NIN: variants seen among roughly 807,000 people sequenced by gnomAD.
NIN encodes the protein ninein.
A neutral mutation model predicts 257.6 loss-of-function variants in NIN; 137 were observed. The ratio of observed to expected loss-of-function variants is 0.53; its 90% CI spans 0.46 to 0.61. NIN has a LOEUF of 0.61. NIN is among the 20% of genes least tolerant of loss of function. NIN has a pLI of 0.00. For synonymous variants in NIN, 918 were observed against 919.8 expected (o/e 1.00, Z 0.04); for missense variants, 2,439 against 2,501.2 (o/e 0.98, Z 0.53).
intron 4 of NIN, among the ~76,000 whole-genome samples, chr14:50,799,182 C>G (rs1326328109): frequency 1.3e-5 from 2 of 152,210 alleles, no homozygotes; most frequent in Non-Finnish European, 2.9e-5. Flanking sequence ...GGACCTGGAC[C>G]TGGACACAGA....
At chr14:50,762,989 TATATC>T (rs2042331655) in intron 15 of NIN, among the ~76,000 whole-genome samples, 1 of 152,046 alleles carries the variant, frequency 6.6e-6, no homozygotes, top group Non-Finnish European at 1.5e-5. Flanking sequence ...GCTGCCGAGA[TATATC>T]ATATTATGAG....
intron 25 of NIN, among the ~76,000 whole-genome samples, chr14:50,740,498 G>A (rs577776910): frequency 3.2e-4 from 48 of 152,248 alleles, no homozygotes; most frequent in African/African-American, 1.2e-3. Flanking sequence ...ACAGGCACTC[G>A]CCACCATGCC....
In NIN at chr14:50,720,119, A is replaced by AT. The variant is rs1230359182; in HGVS notation, c.*3343dup. On this transcript the variant is annotated 3_prime_UTR_variant, in exon 31 of 31. Coordinates refer to ENST00000530997, the MANE Select transcript of NIN (RefSeq NM_020921.4). ...ATTCATATGCCACAAAACCAAAACT[A>AT]TTTTACAGTGCTGAGAGGTCCAGAT... 3.6e-5 allele frequency: 8 copies of AT among 221,820 alleles called. 1 individual carries two copies. Among genetic ancestry groups the AT allele is most frequent in the Admixed American group, 1.1e-4 (2 of 17,410 alleles). 13.7% of individuals were successfully genotyped at this position (221,820 alleles called of 1,614,324 possible). A position where few individuals can be genotyped will look rare whatever the true frequency, so the allele number is the denominator to read the frequency against.
chr14:50,802,932 G>A (rs2044160681), intron 4 of NIN, among the ~76,000 whole-genome samples: 2 of 152,078 alleles, frequency 1.3e-5, no homozygotes, highest in African/African-American at 4.8e-5. Flanking sequence ...TCAATTCACG[G>A]CCCTCTTGGT....
At position 50,770,448 on chromosome 14, in the gene NIN, T is replaced by G; in HGVS notation, c.1374A>C (p.Glu458Asp). 1 of 1,614,224 alleles carries G rather than the reference T, an allele frequency of 6.2e-7. No individual in the cohort carries two copies. Reference sequence around the variant, plus strand: ...TCTCTTCTGTTTTTGCCTTTTCAATTTCCTGTTCAAGTTCTAAACGCTGCT... The same window carrying G: ...TCTCTTCTGTTTTTGCCTTTTCAATGTCCTGTTCAAGTTCTAAACGCTGCT... ...AGKQRLELEQ[E>D]IEKAKTEENY... Residue 458 changes from glutamate (E) to aspartate (D), a missense_variant, in exon 12 of 31, where the codon GAA becomes GAC. Physicochemically the swap from Glu to Asp is conservative, Grantham distance 45. Around this residue, in one of 3 missense-constraint regions of NIN, gnomAD observed 2,043 missense variants for 2,050.2 expected, o/e 1.00. Transcript: ENST00000530997.
chr14:50,796,335 A>C (rs887857715), intron 4 of NIN, among the ~76,000 whole-genome samples: 2 of 152,210 alleles, frequency 1.3e-5, no homozygotes, highest in African/African-American at 4.8e-5. Flanking sequence ...CATAAGCCAA[A>C]TGCTTGGTTA....
intron 12 of NIN, among the ~76,000 whole-genome samples, chr14:50,767,643 C>T (rs2042550271): frequency 6.6e-6 from 1 of 151,940 alleles, no homozygotes; most frequent in Non-Finnish European, 1.5e-5. Context: ...CGGTGAAACC[C>T]CGTCTCTACT....
intron 3 of NIN, among the ~76,000 whole-genome samples, chr14:50,816,798 A>C (rs2044919245): frequency 6.6e-6 from 1 of 152,210 alleles, no homozygotes; most frequent in African/African-American, 2.4e-5. Flanking sequence ...AGGTCGGTAG[A>C]AGAGAATGGC....
At chr14:50,777,178 T>C (rs374551312) in intron 6 of NIN, 39 bp from the exon 7 acceptor site, 35 of 1,490,540 alleles carry the variant, frequency 2.3e-5, no homozygotes, top group Admixed American at 1.8e-4. Context: ...TCCAAAGGAA[T>C]TGCAAAGAGA....
Position 50,771,416 on chromosome 14 carries a change from G to A in NIN, c.1034C>T (p.Ala345Val). 6.2e-7 allele frequency: 1 copy of A among 1,614,118 alleles called. No individual in the cohort carries two copies. Among genetic ancestry groups the A allele is most frequent in the Non-Finnish European group, 8.5e-7 (1 of 1,179,994 alleles). Residue 345 changes from alanine to valine, a missense_variant, in exon 10 of 31, where the codon GCC becomes GTC. By Grantham distance (64) the Ala-to-Val change is moderately conservative. Coordinates refer to ENST00000530997, the MANE Select transcript of NIN (RefSeq NM_020921.4). ...GNINLTELTLALENELLVTKN... is the reference protein window; with the variant it reads ...GNINLTELTLVLENELLVTKN... ...GGTAACCAAAAGTTCATTTTCAAGG[G>A]CCAGTGTTAATTCTGTCAAATTGAT...
chr14:50,767,824 A>G (rs1464621574), intron 12 of NIN, among the ~76,000 whole-genome samples: 2 of 151,956 alleles, frequency 1.3e-5, no homozygotes, highest in African/African-American at 4.8e-5. Flanking sequence ...CTCAAAAAAA[A>G]AAAAAAAAGT....
At chr14:50,799,529 A>G (rs2142100532) in intron 4 of NIN, among the ~76,000 whole-genome samples, 1 of 152,264 alleles carries the variant, frequency 6.6e-6, no homozygotes, top group East Asian at 1.9e-4. Flanking sequence ...CACCTCAGAA[A>G]CTGGAGCTGC....
rs1230719930 is a variant in NIN at position 50,761,907 on chromosome 14, G to A, written c.1779C>T (p.Leu593=). 5.6e-6 allele frequency: 9 copies of A among 1,613,786 alleles called. No individual in the cohort carries two copies. The highest frequency in any genetic ancestry group is 2.2e-5 in the East Asian group (1 of 44,882). ...TCAATGGATTGCATTCTTCAGAACCGAGCCCTGAAAACACATGGGACTCAT... is the reference window on the plus strand; with the variant it reads ...TCAATGGATTGCATTCTTCAGAACCAAGCCCTGAAAACACATGGGACTCAT... ...NSGGIEPEHG[L]GSEECNPLNM... is the part of the protein sequence containing the mutation. The change falls in exon 16 of 31, where the codon CTC becomes CTT. Residue 593 remains leucine (L), a synonymous_variant. Coordinates refer to ENST00000530997, the MANE Select transcript of NIN (RefSeq NM_020921.4).
chr14:50,771,352 C>T lies in NIN; in HGVS notation c.1098G>A (p.Lys366=), dbSNP rs955953081. 3 of 1,614,154 alleles carry T rather than the reference C, an allele frequency of 1.9e-6. No individual in the cohort carries two copies. Among genetic ancestry groups the T allele is most frequent in the Non-Finnish European group, 2.5e-6 (3 of 1,180,028 alleles). The part of the protein sequence containing the change: ...SIHQAALASF[K]AEIRHLLERV... ...CTCACAACAAATGCCGGATTTCAGC[C>T]TTAAAGCTGGCCAGAGCCGCCTGGT... Residue 366 remains lysine, a synonymous_variant, in exon 10 of 31, where the codon AAG becomes AAA. Transcript: ENST00000530997.
At chr14:50,767,371 A>G (rs1243655526) in intron 12 of NIN, among the ~76,000 whole-genome samples, 1 of 152,386 alleles carries the variant, frequency 6.6e-6, no homozygotes, top group East Asian at 1.9e-4. Context: ...AACTGAAATT[A>G]TAATGCAGGC....
Position 50,729,078 on chromosome 14 carries a change from C to T in NIN, c.6078+445G>A, listed in dbSNP as rs193293007. Among the ~76,000 whole-genome samples the T allele has an allele frequency of 9.1e-4, 138 of 152,114 alleles. 1 individual carries two copies. The highest frequency in any genetic ancestry group is 2.8e-3 in the African/African-American group (117 of 41,498). On this transcript the variant is annotated intron_variant, in intron 29 of 30. Coordinates refer to ENST00000530997, the MANE Select transcript of NIN (RefSeq NM_020921.4). The stretch of plus-strand genomic sequence containing the variant: ...GGATGGGAACATCAGGCCAATTGTG[C>T]GCTGTGTTTAAGTGATCCTGATACT...
At chr14:50,754,478 A>G in intron 20 of NIN, 85 bp downstream of exon 20, 18 of 1,064,276 alleles carry the variant, frequency 1.7e-5, no homozygotes, top group Non-Finnish European at 2.5e-5. Flanking sequence ...GCTATTCATT[A>G]CCGTGTGCTG....
chr14:50,774,104 C>T lies in NIN; in HGVS notation c.667-1009G>A, dbSNP rs565101083. On this transcript the variant is annotated intron_variant, in intron 7 of 30. Transcript: ENST00000530997. ...TCTGGTGGTGTGGGGATTCAGATTTCGGCATTTCTAACAAGCTCCCAGTTA... is the reference window on the plus strand; with the variant it reads ...TCTGGTGGTGTGGGGATTCAGATTTTGGCATTTCTAACAAGCTCCCAGTTA... 1.5e-4 allele frequency among the ~76,000 whole-genome samples: 23 copies of T among 152,314 alleles called. No homozygotes were observed. The South Asian group carries it at 2.5e-3, about 16-fold the overall frequency.
At chr14:50,725,754 G>C (rs372602776) in intron 30 of NIN, 199 bp downstream of exon 30, 1 of 893,014 alleles carries the variant, frequency 1.1e-6, no homozygotes, top group African/African-American at 1.7e-5. Flanking sequence ...CTTAAACAGA[G>C]CTTTGGAAAA....
Sources: allele counts gnomAD v4.1 joint callset (sites outside exome capture counted in the v4.1 genomes callset), GRCh38; gene constraint gnomAD v4.1.1; regional missense constraint gnomAD v4.1.1; transcripts MANE v1.5; gene names NCBI Gene and HGNC (gene_info 2026-07-23, HGNC 2026-07-21).